The following SAMD14 variants were observed in gnomAD, a reference collection of about 807,000 sequenced individuals.
The protein encoded by SAMD14 is sterile alpha motif domain containing 14, also known as sterile alpha motif domain-containing protein 14.
SAMD14 carries 27 observed loss-of-function variants against 46.2 expected under a neutral mutation model. That is an observed-to-expected ratio of 0.58 (90% CI 0.43 to 0.81). The LOEUF is 0.81. Among genes scored for constraint, SAMD14 ranks in the 30% least tolerant of loss-of-function variants. The pLI is 0.00. For missense variants in SAMD14, 559 were observed against 582.2 expected (o/e 0.96, Z 0.41); for synonymous variants, 241 against 254.3 (o/e 0.95, Z 0.50).
chr17:50,118,097 T>C, intron 3 of SAMD14, 64 bp downstream of exon 3: 1 of 1,424,156 alleles, frequency 7.0e-7, no homozygotes, highest in South Asian at 1.3e-5. Context: ...GGAGAGATTA[T>C]CCAGGGGTGG....
At chr17:50,124,825 A>C in intron 2 of SAMD14, 92 bp downstream of exon 2, 1 of 1,238,444 alleles carries the variant, frequency 8.1e-7, no homozygotes, top group Non-Finnish European at 1.2e-6. Flanking sequence ...GCTGCCAAGA[A>C]GCACCCTATC....
At chr17:50,128,215 G>A (rs190574768) in intron 1 of SAMD14, among the ~76,000 whole-genome samples, 53 of 152,184 alleles carry the variant, frequency 3.5e-4, no homozygotes, top group African/African-American at 1.2e-3. Flanking sequence ...GCTGGCTGGA[G>A]TCCTCCTCTT....
Position 50,115,964 on chromosome 17 carries a change from C to T in SAMD14, c.587+39G>A, listed in dbSNP as rs1181447422. On this transcript the variant is annotated intron_variant, in intron 5 of 9. Transcript: ENST00000330175. This position sits in a 1 kb window ranked among gnomAD's most constrained non-coding sequence, Gnocchi z 5.3. ...CCCACTGTGCTACCCCTTACCCCAG[C>T]AGCTCCAAGCCCTGCGATCTAGCCC... 6.2e-7 allele frequency: 1 copy of T among 1,613,568 alleles called. No homozygotes were observed. The highest frequency in any genetic ancestry group is 1.7e-5 in the Admixed American group (1 of 59,980).
intron 2 of SAMD14, among the ~76,000 whole-genome samples, chr17:50,119,907 AT>A (rs1315472329): frequency 6.6e-6 from 1 of 152,104 alleles, no homozygotes; most frequent in East Asian, 1.9e-4. Context: ...CAGTAGCTCC[AT>A]TCTTCTAGTT....
At chr17:50,113,800 A>G (rs2144391435) in intron 9 of SAMD14, 124 bp downstream of exon 9, 1 of 1,140,174 alleles carries the variant, frequency 8.8e-7, no homozygotes, top group Middle Eastern at 2.5e-4. Flanking sequence ...GTGGCCACAG[A>G]TGGAGTGAAA....
chr17:50,124,769 G>GCACGCGCGCA (rs779175185), intron 2 of SAMD14, 148 bp downstream of exon 2: 6 of 477,196 alleles, frequency 1.3e-5, no homozygotes, highest in Non-Finnish European at 2.1e-5. Context: ...GCACGCGCGC[G>GCACGCGCGCA]CGCACACACA....
Position 50,113,001 on chromosome 17 carries a change from C to G in SAMD14, c.1146G>C (p.Lys382Asn). 6.2e-7 allele frequency: 1 copy of G among 1,612,512 alleles called. No homozygotes were observed. The highest frequency in any genetic ancestry group is 8.5e-7 in the Non-Finnish European group (1 of 1,179,982). Reference sequence around the variant, plus strand: ...CGGCAGCTGCTGCCATCTCCTTCAACTTGCGCTTCACCAGTGCCCGGTCAT... The same window carrying G: ...CGGCAGCTGCTGCCATCTCCTTCAAGTTGCGCTTCACCAGTGCCCGGTCAT... ...NSHDRALVKR[K>N]LKEMAAAAEK... Residue 382 changes from lysine to asparagine, a missense_variant, in exon 10 of 10, where the codon AAG (lysine) becomes AAC (asparagine). Coordinates refer to ENST00000330175, the MANE Select transcript of SAMD14 (RefSeq NM_001257359.2).
intron 1 of SAMD14, 23 bp from the exon 2 acceptor site, chr17:50,124,994 G>A: frequency 6.2e-7 from 1 of 1,609,318 alleles, no homozygotes; most frequent in South Asian, 1.1e-5. Flanking sequence ...AGAGGGGAGA[G>A]AAAGAAAAAG....
At chr17:50,118,123 TGGGA>T in intron 3 of SAMD14, 34 bp downstream of exon 3, 1 of 1,179,304 alleles carries the variant, frequency 8.5e-7, no homozygotes, top group Non-Finnish European at 1.1e-6. Flanking sequence ...GAGGGAGGGG[TGGGA>T]GGGTGTATAT....
intron 2 of SAMD14, among the ~76,000 whole-genome samples, chr17:50,119,652 A>T (rs1393378924): frequency 6.6e-6 from 1 of 152,058 alleles, no homozygotes; most frequent in African/African-American, 2.4e-5. Flanking sequence ...CGATCATGTA[A>T]CCTCAAACCA....
Position 50,115,873 on chromosome 17 carries a change from T to C in SAMD14, c.619A>G (p.Ser207Gly). 1 of 1,613,406 alleles carries C rather than the reference T, an allele frequency of 6.2e-7. No individual in the cohort carries two copies. The highest frequency in any genetic ancestry group is 8.5e-7 in the Non-Finnish European group (1 of 1,179,858). Residue 207 changes from serine to glycine, a missense_variant, in exon 6 of 10, where the codon AGC becomes GGC. Transcript: ENST00000330175. This position sits in a 1 kb window ranked among gnomAD's most constrained non-coding sequence, Gnocchi z 5.3. ...CGGTTGCTGCCTTTCTCCTTCCGGC[T>C]CTTGCCCGTGGATGCTCGGCGCAGG... ...VTLRRASTGK[S>G]RKEKGSNRLS...
In SAMD14 at chr17:50,115,511, C is replaced by CA; in HGVS notation, c.822+52dup. 6.6e-7 allele frequency: 1 copy of CA among 1,504,450 alleles called. No homozygotes were observed. 93.2% of individuals were successfully genotyped at this position (1,504,450 alleles called of 1,614,324 possible). Reference sequence around the variant, plus strand: ...CCTGAGCCAAGGTGAAGTACGCCCTCATGTCACCTGAGACTGGGGGCCAGT... The same window carrying CA: ...CCTGAGCCAAGGTGAAGTACGCCCTCAATGTCACCTGAGACTGGGGGCCAGT... On this transcript the variant is annotated intron_variant, in intron 7 of 9. Coordinates refer to ENST00000330175, the MANE Select transcript of SAMD14 (RefSeq NM_001257359.2). The surrounding 1 kb of genome is among the most constrained non-coding windows in gnomAD (Gnocchi z 5.3).
At chr17:50,120,612 T>C (rs1283947751) in intron 2 of SAMD14, among the ~76,000 whole-genome samples, 1 of 152,206 alleles carries the variant, frequency 6.6e-6, no homozygotes, top group Non-Finnish European at 1.5e-5. Flanking sequence ...GTCAAAGTTC[T>C]CCCAGTGGCC....
At position 50,117,616 on chromosome 17, in the gene SAMD14, G is replaced by A. The variant is rs1443287601; in HGVS notation, c.290C>T (p.Ser97Phe). 3 of 1,557,484 alleles carry A rather than the reference G, an allele frequency of 1.9e-6. No individual in the cohort carries two copies. Among genetic ancestry groups the A allele is most frequent in the South Asian group, 1.2e-5 (1 of 85,066 alleles). The change falls in exon 4 of 10, where the codon TCT (serine) becomes TTT (phenylalanine). Residue 97 changes from serine to phenylalanine, a missense_variant. By Grantham distance (155) the Ser-to-Phe change is radical. Transcript: ENST00000330175. ...CAACCCCGGAGGATCCAGGCAGAAA[G>A]AGCCCCCGGCCGGGGACCCCGGGCC... ...HSGPGSPAGG[S>F]FCLDPPGLRR... is the part of the protein sequence containing the mutation.
rs1911173773 is a variant in SAMD14, at chr17:50,115,950, A to G, written c.588-46T>C. 6.2e-7 allele frequency: 1 copy of G among 1,612,856 alleles called. No homozygotes were observed. Among genetic ancestry groups the G allele is most frequent in the Non-Finnish European group, 8.5e-7 (1 of 1,179,468 alleles). ...GTGGGGCAGGGCTGCCCACTGTGCT[A>G]CCCCTTACCCCAGCAGCTCCAAGCC... On this transcript the variant is annotated intron_variant, in intron 5 of 9. Coordinates refer to ENST00000330175, the MANE Select transcript of SAMD14 (RefSeq NM_001257359.2). The surrounding 1 kb of genome is among the most constrained non-coding windows in gnomAD (Gnocchi z 5.3).
chr17:50,112,931 T>G lies in SAMD14; in HGVS notation c.1216A>C (p.Lys406Gln). Residue 406 changes from lysine to glutamine, a missense_variant, in exon 10 of 10, where the codon AAG becomes CAG. Physicochemically the swap from Lys to Gln is moderately conservative, Grantham distance 53. Coordinates refer to ENST00000330175, the MANE Select transcript of SAMD14 (RefSeq NM_001257359.2). Reference protein sequence around the residue: ...AQEKAARQREKLRRREQEAKK... With the variant: ...AQEKAARQREQLRRREQEAKK... ...GCCTCCTGCTCTCGGCGCCGGAGCT[T>G]CTCCCGCTGCCGCGCAGCCTTCTCC... The G allele has an allele frequency of 1.2e-6, 2 of 1,608,574 alleles. No homozygotes were observed. Among genetic ancestry groups the G allele is most frequent in the Non-Finnish European group, 1.7e-6 (2 of 1,179,926 alleles).
rs1156849342 is a variant in SAMD14 at position 50,130,096 on chromosome 17, G to A, written c.-592C>T. On this transcript the variant is annotated 5_prime_UTR_variant, in exon 1 of 10. Coordinates refer to ENST00000330175, the MANE Select transcript of SAMD14 (RefSeq NM_001257359.2). The surrounding 1 kb of genome is among the most constrained non-coding windows in gnomAD (Gnocchi z 4.1). ...GGCGGGGGCGGGGGAGGGCGGCGGG[G>A]AGGAGGCGGCTGGGGCCGGGGAGCG... Among the ~76,000 whole-genome samples the A allele has an allele frequency of 6.6e-6, 1 of 151,498 alleles. No individual in the cohort carries two copies. The highest frequency in any genetic ancestry group is 1.5e-5 in the Non-Finnish European group (1 of 67,724).
intron 1 of SAMD14, among the ~76,000 whole-genome samples, chr17:50,125,919 G>A (rs1312953436): frequency 6.6e-6 from 1 of 152,016 alleles, no homozygotes; most frequent in East Asian, 1.9e-4. Flanking sequence ...TTTTTGTTTT[G>A]GTTCAAGGTT....
chr17:50,115,870 G>A lies in SAMD14; in HGVS notation c.622C>T (p.Arg208Trp), dbSNP rs780108620. 1.9e-5 allele frequency: 30 copies of A among 1,613,098 alleles called. No individual in the cohort carries two copies. Among genetic ancestry groups the A allele is most frequent in the South Asian group, 2.2e-5 (2 of 91,054 alleles). Residue 208 changes from arginine to tryptophan, a missense_variant, in exon 6 of 10, where the codon CGG (arginine) becomes TGG (tryptophan). Physicochemically the swap from Arg to Trp is moderately radical, Grantham distance 101. Transcript: ENST00000330175. This position sits in a 1 kb window ranked among gnomAD's most constrained non-coding sequence, Gnocchi z 5.3. ...AGTCGGTTGCTGCCTTTCTCCTTCCGGCTCTTGCCCGTGGATGCTCGGCGC... is the reference window on the plus strand; with the variant it reads ...AGTCGGTTGCTGCCTTTCTCCTTCCAGCTCTTGCCCGTGGATGCTCGGCGC... ...TLRRASTGKS[R>W]KEKGSNRLSM...
Sources: allele counts gnomAD v4.1 joint callset (sites outside exome capture counted in the v4.1 genomes callset), GRCh38; gene constraint gnomAD v4.1.1; non-coding constraint Gnocchi (gnomAD v3.1); transcripts MANE v1.5; gene names NCBI Gene and HGNC (gene_info 2026-07-23, HGNC 2026-07-21).